PLXDC2: variants seen among roughly 807,000 people sequenced by gnomAD.
PLXDC2 encodes the protein plexin domain-containing protein 2.
In PLXDC2, 40 loss-of-function variants were observed where a neutral mutation model predicts 68.9. That is an observed-to-expected ratio of 0.58 (90% CI 0.45 to 0.76). PLXDC2 has a LOEUF of 0.76. Ranked by LOEUF, PLXDC2 falls within the 30% of genes least tolerant of loss-of-function variation. The pLI, the probability that PLXDC2 is intolerant of heterozygous loss-of-function variation, is 0.00. For missense variants in PLXDC2, 644 were observed against 661.9 expected (o/e 0.97, Z 0.30); for synonymous variants, 243 against 234.2 (o/e 1.04, Z -0.34).
chr10:20,057,650 T>C (rs1836022323), intron 3 of PLXDC2, among the ~76,000 whole-genome samples: 1 of 152,064 alleles, frequency 6.6e-6, no homozygotes, highest in Non-Finnish European at 1.5e-5. Flanking sequence ...TGAAACCCTA[T>C]TAGACACTCT....
At position 20,068,210 on chromosome 10, in the gene PLXDC2, T is replaced by C; in HGVS notation, c.512T>C (p.Phe171Ser). 1 of 1,613,438 alleles carries C rather than the reference T, an allele frequency of 6.2e-7. No individual in the cohort carries two copies. Among genetic ancestry groups the C allele is most frequent in the Non-Finnish European group, 8.5e-7 (1 of 1,179,652 alleles). Residue 171 changes from phenylalanine (F) to serine (S), a missense_variant, in exon 4 of 14, where the codon TTC becomes TCC. Phe to Ser is a radical substitution (Grantham distance 155, BLOSUM62 -2). Around this residue, in one of 3 missense-constraint regions of PLXDC2, gnomAD observed 113 missense variants for 167.1 expected, o/e 0.68. Transcript: ENST00000377252. ...TTCGATTTTCCATTTTATGGCCACT[T>C]CCTACGTGAAATCACTGTGGCAACC... is the stretch of plus-strand genomic sequence containing the variant. The part of the protein sequence containing the change: ...LSFDFPFYGH[F>S]LREITVATGG...
chr10:20,061,467 T>C (rs1836101853), intron 3 of PLXDC2, among the ~76,000 whole-genome samples: 2 of 152,212 alleles, frequency 1.3e-5, no homozygotes, highest in Admixed American at 6.5e-5. Context: ...ATGAGGTACA[T>C]GATGACAATA....
At chr10:20,005,635 G>T (rs910821148) in intron 2 of PLXDC2, among the ~76,000 whole-genome samples, 2 of 152,104 alleles carry the variant, frequency 1.3e-5, no homozygotes, top group African/African-American at 4.8e-5. Context: ...TGAAGTGGGA[G>T]CAGGCGTGTC....
chr10:20,207,558 T>C (rs1037569872), intron 9 of PLXDC2, among the ~76,000 whole-genome samples: 8 of 152,100 alleles, frequency 5.3e-5, no homozygotes, highest in African/African-American at 1.4e-4. Context: ...CCCAAGAAAA[T>C]GTTTTTTTCT....
chr10:20,083,346 A>G (rs1353951672), intron 4 of PLXDC2, among the ~76,000 whole-genome samples: 2 of 151,956 alleles, frequency 1.3e-5, no homozygotes, highest in Non-Finnish European at 1.5e-5. Flanking sequence ...GCGAGGTGGC[A>G]TGCGCCTGTA....
intron 4 of PLXDC2, among the ~76,000 whole-genome samples, chr10:20,115,211 G>A (rs778382975): frequency 2.0e-5 from 3 of 152,120 alleles, no homozygotes; most frequent in Non-Finnish European, 4.4e-5. Context: ...CAAGTCTTTA[G>A]AAACCTTCAG....
chr10:19,886,940 C>T (rs1163525061), intron 1 of PLXDC2, among the ~76,000 whole-genome samples: 4 of 152,248 alleles, frequency 2.6e-5, no homozygotes, highest in East Asian at 1.9e-4. Flanking sequence ...AGTCATATAA[C>T]CTCTGGACAA....
At chr10:20,229,821 G>A (rs902537863) in intron 12 of PLXDC2, among the ~76,000 whole-genome samples, 2 of 152,120 alleles carry the variant, frequency 1.3e-5, no homozygotes, top group East Asian at 3.9e-4. Context: ...GTAAGCTACT[G>A]TGACCGAATG....
At position 20,162,069 on chromosome 10, in the gene PLXDC2, AGAGAAGGAAG is replaced by A. The variant is rs1286146884; in HGVS notation, c.784-2396_784-2387del. Among the ~76,000 whole-genome samples the A allele has an allele frequency of 5.3e-3, 152 of 28,880 alleles. 2 individuals are homozygous for A. Among genetic ancestry groups the A allele is most frequent in the African/African-American group, 0.015 (141 of 9,608 alleles). 18.9% of individuals were successfully genotyped at this position (28,880 alleles called of 152,430 possible). On this transcript the variant is annotated intron_variant, in intron 6 of 13. Transcript: ENST00000377252. ...GAGAGAGAGAGAGAGAGAGAGAGAG[AGAGAAGGAAG>A]GAAGGAAGGAAGGAAGGAAGGAAGG...
At chr10:19,984,477 C>T (rs1016789141) in intron 1 of PLXDC2, among the ~76,000 whole-genome samples, 1 of 152,198 alleles carries the variant, frequency 6.6e-6, no homozygotes, top group Non-Finnish European at 1.5e-5. Flanking sequence ...AAATTTGTCT[C>T]AGAGCATTTT....
intron 1 of PLXDC2, among the ~76,000 whole-genome samples, chr10:19,890,618 A>G (rs185941743): frequency 0.06 from 6,667 of 110,518 alleles, 192 homozygotes; most frequent in Middle Eastern, 0.22. Context: ...CTCGTGATCC[A>G]CCCGCCTCAG....
Position 19,817,055 on chromosome 10 carries a change from G to A in PLXDC2, c.-25G>A. On this transcript the variant is annotated 5_prime_UTR_variant, in exon 1 of 14. Coordinates refer to ENST00000377252, the MANE Select transcript of PLXDC2 (RefSeq NM_032812.9). ...GAGCACCGGCGAAGGACTGGCGGGT[G>A]GGGTAGGGAGGTGGCGGCGGCGGCA... The A allele has an allele frequency of 3.4e-6, 5 of 1,482,366 alleles. No homozygotes were observed. Among genetic ancestry groups the A allele is most frequent in the Non-Finnish European group, 4.5e-6 (5 of 1,107,138 alleles). The allele number at this position is 1,482,366 out of a possible 1,614,324, so 91.8% of individuals were successfully genotyped here.
intron 4 of PLXDC2, among the ~76,000 whole-genome samples, chr10:20,086,968 A>G (rs1042317050): frequency 3.3e-5 from 5 of 152,234 alleles, no homozygotes; most frequent in African/African-American, 1.2e-4. Context: ...AACATAGAAG[A>G]TATTTCTTCC....
chr10:19,931,436 T>C (rs551450928), intron 1 of PLXDC2, among the ~76,000 whole-genome samples: 3 of 152,316 alleles, frequency 2.0e-5, no homozygotes, highest in East Asian at 3.9e-4. Flanking sequence ...ACTAGCTCAC[T>C]GTGAGTGTAT....
At chr10:20,255,648 TTAC>T (rs1835733247) in intron 13 of PLXDC2, among the ~76,000 whole-genome samples, 1 of 152,158 alleles carries the variant, frequency 6.6e-6, no homozygotes, top group African/African-American at 2.4e-5. Context: ...TAGTTTATTA[TTAC>T]GGCATATTCT....
Position 20,176,986 on chromosome 10 carries a change from CT to C in PLXDC2, c.884-5del, listed in dbSNP as rs556017952. 190 of 1,556,912 alleles carry C rather than the reference CT, an allele frequency of 1.2e-4. 1 individual carries two copies. The East Asian group carries it at 2.0e-3, about 16-fold the overall frequency. ...AAAGGTTAAAAATTGATTTTTTTTC[CT>C]TTTTTTTCTAGATGTTCGAAGAAGA... On this transcript the variant is annotated splice_polypyrimidine_tract_variant and intron_variant, in intron 7 of 13. Coordinates refer to ENST00000377252, the MANE Select transcript of PLXDC2 (RefSeq NM_032812.9).
intron 1 of PLXDC2, among the ~76,000 whole-genome samples, chr10:19,915,634 G>A (rs1299331866): frequency 6.6e-6 from 1 of 152,002 alleles, no homozygotes; most frequent in Non-Finnish European, 1.5e-5. Context: ...TCCTTTAACA[G>A]TTCTTTTAAT....
intron 9 of PLXDC2, among the ~76,000 whole-genome samples, chr10:20,204,941 C>T (rs377176458): frequency 9.7e-4 from 147 of 152,218 alleles, no homozygotes; most frequent in African/African-American, 3.5e-3. Context: ...TGTTTCATTT[C>T]GCTGGTGGAA....
At chr10:20,079,496 C>A (rs948211192) in intron 4 of PLXDC2, among the ~76,000 whole-genome samples, 2 of 152,166 alleles carry the variant, frequency 1.3e-5, no homozygotes, top group African/African-American at 4.8e-5. Context: ...ATGTTTATTG[C>A]TGCACTATTT....
Sources: gnomAD v4.1 joint callset for allele counts (sites outside exome capture counted in the v4.1 genomes callset) on GRCh38, gnomAD v4.1.1 for gene constraint, gnomAD v4.1.1 regional missense constraint, MANE v1.5 for transcripts, NCBI Gene and HGNC (gene_info 2026-07-23, HGNC 2026-07-21) for gene names.